The following CDH13 variants were observed in gnomAD, a reference collection of about 807,000 sequenced individuals.
CDH13 encodes cadherin 13.
In CDH13, 24 loss-of-function variants were observed where a neutral mutation model predicts 63.8. The observed-to-expected ratio is 0.38, with a 90% CI of 0.27 to 0.53. CDH13 has a LOEUF of 0.53. Ranked by LOEUF, CDH13 falls within the 20% of genes least tolerant of loss-of-function variation. The pLI, the probability that CDH13 is intolerant of heterozygous loss-of-function variation, is 0.85. For synonymous variants in CDH13, 503 were observed against 355.3 expected, an observed-to-expected ratio of 1.42 and a Z score of -4.67; for missense variants, 1,049 against 903.1, an observed-to-expected ratio of 1.16 and a Z score of -2.07.
chr16:82,910,211 CTTG>C (rs1445713235), intron 2 of CDH13, among the ~76,000 whole-genome samples: 1 of 152,142 alleles, frequency 6.6e-6, no homozygotes, highest in African/African-American at 2.4e-5. Flanking sequence ...GAATTAAACC[CTTG>C]TTGTTTGACA....
chr16:82,689,982 TA>T (rs71146085), intron 1 of CDH13, among the ~76,000 whole-genome samples: 9 of 15,772 alleles, frequency 5.7e-4, no homozygotes, highest in Admixed American at 1.3e-3. Context: ...CCATCTCTAC[TA>T]AAAAAAAAAA....
chr16:83,394,056 C>G (rs535882941), intron 6 of CDH13, among the ~76,000 whole-genome samples: 2 of 152,058 alleles, frequency 1.3e-5, no homozygotes, highest in Admixed American at 1.3e-4. Flanking sequence ...AACACATGGA[C>G]ACAGAAGGCA....
chr16:83,600,397 T>C (rs1346579349), intron 7 of CDH13, among the ~76,000 whole-genome samples: 9 of 152,198 alleles, frequency 5.9e-5, no homozygotes, highest in African/African-American at 1.7e-4. Context: ...CCAGGACTCC[T>C]TAAAATAGTA....
intron 2 of CDH13, among the ~76,000 whole-genome samples, chr16:82,906,219 A>T (rs1209415420): frequency 6.6e-6 from 1 of 152,170 alleles, no homozygotes. Flanking sequence ...AGGCTTTCAG[A>T]TGTTCAGGAG....
At chr16:82,959,312 A>C (rs1185740621) in intron 2 of CDH13, among the ~76,000 whole-genome samples, 3 of 152,200 alleles carry the variant, frequency 2.0e-5, no homozygotes, top group Admixed American at 6.5e-5. Context: ...TCAAACCTGC[A>C]TGGTGATTTT....
chr16:83,560,659 C>G (rs1298329247), intron 7 of CDH13, among the ~76,000 whole-genome samples: 1 of 152,192 alleles, frequency 6.6e-6, no homozygotes, highest in Non-Finnish European at 1.5e-5. Flanking sequence ...GGTCATTGGT[C>G]CCTGGGCCTC....
chr16:83,710,204 C>T (rs1907806932), intron 10 of CDH13: 1 of 152,176 alleles, frequency 6.6e-6, no homozygotes, highest in Non-Finnish European at 1.5e-5. Flanking sequence ...ATTGAAGTTG[C>T]CGCTTCTCCA....
At chr16:82,841,102 G>A (rs2038990513) in intron 1 of CDH13, among the ~76,000 whole-genome samples, 1 of 152,238 alleles carries the variant, frequency 6.6e-6, no homozygotes, top group Non-Finnish European at 1.5e-5. Flanking sequence ...ATCTAGAAAT[G>A]AGGCCTGTCC....
chr16:83,389,453 G>T (rs951113461), intron 6 of CDH13, among the ~76,000 whole-genome samples: 3 of 152,118 alleles, frequency 2.0e-5, no homozygotes, highest in African/African-American at 7.2e-5. Flanking sequence ...ACAGTGAATT[G>T]TTCTGTCTAA....
rs867663290 is a variant in CDH13 at position 82,782,553 on chromosome 16, A to G, written c.46-75809A>G. ...GGCGACAGTGCCAGACTCCATCTCA[A>G]AAAAAAAAAAAAATAATAATAAACA... On this transcript the variant is annotated intron_variant, in intron 1 of 13. Coordinates refer to ENST00000567109, the MANE Select transcript of CDH13 (RefSeq NM_001257.5). Among the ~76,000 whole-genome samples, 850 of 124,088 alleles carry G rather than the reference A, an allele frequency of 6.8e-3. 9 individuals are homozygous for G. Among genetic ancestry groups the G allele is most frequent in the African/African-American group, 0.022 (780 of 35,242 alleles). The allele number at this position is 124,088 out of a possible 152,430, so 81.4% of individuals were successfully genotyped here. A position where few individuals can be genotyped will look rare whatever the true frequency, so the allele number is the denominator to read the frequency against.
chr16:82,967,814 G>A (rs1248787521), intron 2 of CDH13, among the ~76,000 whole-genome samples: 2 of 152,218 alleles, frequency 1.3e-5, no homozygotes, highest in Non-Finnish European at 2.9e-5. Context: ...ACCACTTACA[G>A]AGGGTGGTGT....
chr16:83,287,479 C>T (rs1423543835), intron 5 of CDH13, among the ~76,000 whole-genome samples: 1 of 152,138 alleles, frequency 6.6e-6, no homozygotes, highest in African/African-American at 2.4e-5. Context: ...AGATCAGGGG[C>T]AGCATTAGAT....
chr16:83,478,709 C>T (rs1003068874), intron 6 of CDH13, among the ~76,000 whole-genome samples: 1 of 152,110 alleles, frequency 6.6e-6, no homozygotes, highest in African/African-American at 2.4e-5. Context: ...CCTCTTTTCT[C>T]TGCCACTCTG....
chr16:83,648,514 C>T lies in CDH13; in HGVS notation c.1102-22276C>T, dbSNP rs367848271. ...CCCTCCCAGAAGTCCCAGGCTTAGT[C>T]TGAATGCTCAGTCTTTCTGCAGCTG... On this transcript the variant is annotated intron_variant, in intron 8 of 13. Coordinates refer to ENST00000567109, the MANE Select transcript of CDH13 (RefSeq NM_001257.5). Among the ~76,000 whole-genome samples, 6 of 152,248 alleles carry T rather than the reference C, an allele frequency of 3.9e-5. No homozygotes were observed. The East Asian group carries it at 1.2e-3, about 29-fold the overall frequency.
intron 4 of CDH13, among the ~76,000 whole-genome samples, chr16:83,168,909 C>A (rs2037804352): frequency 1.3e-5 from 2 of 151,950 alleles, no homozygotes; most frequent in African/African-American, 4.8e-5. Flanking sequence ...GAAACTTTTC[C>A]CTAGTTTTGG....
chr16:83,653,680 G>T (rs1912601399), intron 8 of CDH13, among the ~76,000 whole-genome samples: 1 of 152,134 alleles, frequency 6.6e-6, no homozygotes. Context: ...TTGGGAAGAG[G>T]TTTAGAAAGG....
chr16:83,794,884 A>C (rs1567601413), intron 13 of CDH13, 139 bp from the exon 14 acceptor site: 1 of 772,002 alleles, frequency 1.3e-6, no homozygotes, highest in Non-Finnish European at 2.2e-6. Flanking sequence ...TCCTTAAGGA[A>C]AAAAAAAATT....
At chr16:82,904,722 G>C (rs2041586927) in intron 2 of CDH13, among the ~76,000 whole-genome samples, 1 of 152,140 alleles carries the variant, frequency 6.6e-6, no homozygotes, top group Non-Finnish European at 1.5e-5. Context: ...CATAATTTAA[G>C]TGAAGCAGGT....
At chr16:83,130,767 G>A (rs1362177687) in intron 4 of CDH13, among the ~76,000 whole-genome samples, 1 of 152,208 alleles carries the variant, frequency 6.6e-6, no homozygotes, top group East Asian at 1.9e-4. Context: ...TGCATTTCAA[G>A]AGGGTGAATG....
Sources: allele counts gnomAD v4.1 joint callset (sites outside exome capture counted in the v4.1 genomes callset), GRCh38; gene constraint gnomAD v4.1.1; transcripts MANE v1.5; gene names NCBI Gene and HGNC (gene_info 2026-07-23, HGNC 2026-07-21).